The following EPHA5 variants were observed in gnomAD, a reference collection of about 807,000 sequenced individuals.
EPHA5 encodes EPH receptor A5.
In EPHA5, 60 loss-of-function variants were observed where a neutral mutation model predicts 105.0. That is an observed-to-expected ratio of 0.57 (90% CI 0.46 to 0.71). The LOEUF (loss-of-function observed/expected upper bound fraction) is 0.71, where lower values mean the gene tolerates loss of function less well. EPHA5 is among the 30% of genes least tolerant of loss of function. The pLI is 0.00. For synonymous variants in EPHA5, 513 were observed against 449.1 expected (o/e 1.14, Z -1.80); for missense variants, 1,218 against 1,274.7 (o/e 0.96, Z 0.68).
intron 3 of EPHA5, among the ~76,000 whole-genome samples, chr4:65,592,639 G>A (rs1255255137): frequency 6.6e-6 from 1 of 152,150 alleles, no homozygotes; most frequent in East Asian, 1.9e-4. Flanking sequence ...AAAATCAGTG[G>A]CCTTCTCTGG....
At chr4:65,438,698 C>T (rs1375727903) in intron 5 of EPHA5, among the ~76,000 whole-genome samples, 1 of 151,658 alleles carries the variant, frequency 6.6e-6, no homozygotes, top group African/African-American at 2.4e-5. Context: ...ACCATAGGGA[C>T]TTCAAGCAGA....
intron 3 of EPHA5, among the ~76,000 whole-genome samples, chr4:65,506,896 G>C (rs888132150): frequency 6.6e-6 from 1 of 152,054 alleles, no homozygotes; most frequent in Non-Finnish European, 1.5e-5. Context: ...GGCTTTTGTT[G>C]CCATTGCTTT....
intron 3 of EPHA5, among the ~76,000 whole-genome samples, chr4:65,582,994 AT>A (rs879388709): frequency 2.0e-5 from 3 of 151,576 alleles, no homozygotes; most frequent in Non-Finnish European, 3.0e-5. Context: ...TTGAGACAAG[AT>A]TTTTTTGTTT....
At chr4:65,332,150 T>C (rs1720685411) in intron 15 of EPHA5, 22 bp from the exon 16 acceptor site, 2 of 1,530,790 alleles carry the variant, frequency 1.3e-6, no homozygotes, top group African/African-American at 1.4e-5. Context: ...AAAACATAAA[T>C]ATTAAAAGTT....
At chr4:65,525,633 C>A (rs1735158610) in intron 3 of EPHA5, among the ~76,000 whole-genome samples, 1 of 151,852 alleles carries the variant, frequency 6.6e-6, no homozygotes. Context: ...TTTAAACCAA[C>A]AGACTTTCTC....
chr4:65,341,680 C>T (rs1210074354), intron 14 of EPHA5, among the ~76,000 whole-genome samples: 2 of 151,746 alleles, frequency 1.3e-5, no homozygotes, highest in Non-Finnish European at 2.9e-5. Context: ...CATTCTTCAT[C>T]ACAGGAGATG....
chr4:65,478,855 G>A (rs1000485669), intron 5 of EPHA5, among the ~76,000 whole-genome samples: 1 of 152,096 alleles, frequency 6.6e-6, no homozygotes, highest in African/African-American at 2.4e-5. Context: ...ATTAATATAA[G>A]CTCAATATTT....
intron 8 of EPHA5, among the ~76,000 whole-genome samples, chr4:65,398,452 G>A (rs148578619): frequency 1.0e-3 from 155 of 152,272 alleles, no homozygotes; most frequent in Middle Eastern, 3.4e-3. Flanking sequence ...GTGGCAGGAG[G>A]CAGACAGGAT....
chr4:65,415,348 G>T (rs1019996238), intron 6 of EPHA5, among the ~76,000 whole-genome samples: 1 of 152,032 alleles, frequency 6.6e-6, no homozygotes, highest in Non-Finnish European at 1.5e-5. Flanking sequence ...GGTAACATAT[G>T]TGAAAACAGT....
At chr4:65,472,535 C>T (rs1239798528) in intron 5 of EPHA5, among the ~76,000 whole-genome samples, 1 of 152,194 alleles carries the variant, frequency 6.6e-6, no homozygotes, top group Non-Finnish European at 1.5e-5. Flanking sequence ...AATCTAGGTT[C>T]CCAAACCTCA....
At chr4:65,550,775 G>T (rs541983624) in intron 3 of EPHA5, among the ~76,000 whole-genome samples, 1 of 152,220 alleles carries the variant, frequency 6.6e-6, no homozygotes, top group Non-Finnish European at 1.5e-5. Context: ...GGGTGAGATT[G>T]CAGTGAGCCA....
chr4:65,540,249 C>T (rs1434956691), intron 3 of EPHA5, among the ~76,000 whole-genome samples: 1 of 151,470 alleles, frequency 6.6e-6, no homozygotes, highest in Non-Finnish European at 1.5e-5. Flanking sequence ...TAATATTTTT[C>T]AAGTGGAAGA....
At chr4:65,433,699 C>T (rs1490691592) in intron 5 of EPHA5, among the ~76,000 whole-genome samples, 3 of 152,130 alleles carry the variant, frequency 2.0e-5, no homozygotes, top group Non-Finnish European at 4.4e-5. Context: ...GCAGAAAATC[C>T]ATTTCTATGT....
intron 16 of EPHA5, among the ~76,000 whole-genome samples, chr4:65,326,126 A>G (rs937652580): frequency 6.6e-6 from 1 of 150,402 alleles, no homozygotes; most frequent in Non-Finnish European, 1.5e-5. Flanking sequence ...ACACATATAA[A>G]TTGGTGACAT....
intron 1 of EPHA5, among the ~76,000 whole-genome samples, chr4:65,647,587 C>A (rs1022461457): frequency 6.6e-6 from 1 of 151,862 alleles, no homozygotes; most frequent in Non-Finnish European, 1.5e-5. Context: ...TCTGGGAGAA[C>A]CCACTAATGA....
intron 4 of EPHA5, among the ~76,000 whole-genome samples, chr4:65,492,740 C>T (rs1403244563): frequency 6.6e-6 from 1 of 151,950 alleles, no homozygotes; most frequent in East Asian, 1.9e-4. Context: ...AACAGTGCTG[C>T]AATAAACATA....
chr4:65,476,125 A>AGTGTGTGTGTGTGT (rs1472563369), intron 5 of EPHA5, among the ~76,000 whole-genome samples: 10 of 132,252 alleles, frequency 7.6e-5, no homozygotes, highest in African/African-American at 2.9e-4. Context: ...AGAGAGAGAG[A>AGTGTGTGTGTGTGT]GAGTGTGTGT....
chr4:65,329,552 TA>T (rs1720397231), intron 16 of EPHA5, among the ~76,000 whole-genome samples: 1 of 151,468 alleles, frequency 6.6e-6, no homozygotes, highest in Admixed American at 6.6e-5. Flanking sequence ...CGCTTTATAT[TA>T]ATTGATTTTC....
At chr4:65,636,062 T>C (rs2149499734) in intron 2 of EPHA5, among the ~76,000 whole-genome samples, 1 of 152,296 alleles carries the variant, frequency 6.6e-6, no homozygotes, top group South Asian at 2.1e-4. Flanking sequence ...ATAATTTTAA[T>C]TAAAATGAGA....
Sources: gnomAD v4.1 joint callset for allele counts (sites outside exome capture counted in the v4.1 genomes callset) on GRCh38, gnomAD v4.1.1 for gene constraint, MANE v1.5 for transcripts, NCBI Gene and HGNC (gene_info 2026-07-23, HGNC 2026-07-21) for gene names.